Variants in PCYT1B observed in about 807,000 individuals in gnomAD.
PCYT1B encodes choline-phosphate cytidylyltransferase B.
Under a neutral mutation model 26.4 loss-of-function variants are expected in PCYT1B, and 10 were observed. The ratio of observed to expected loss-of-function variants is 0.38; its 90% confidence interval spans 0.23 to 0.64. The LOEUF is 0.64. Among genes scored for constraint, PCYT1B ranks in the 30% least tolerant of loss-of-function variants. PCYT1B has a pLI of 0.56. For missense variants in PCYT1B, 161 were observed against 292.7 expected, an observed-to-expected ratio of 0.55 and a Z score of 3.28; for synonymous variants, 131 against 108.4, an observed-to-expected ratio of 1.21 and a Z score of -1.29.
intron 7 of PCYT1B, among the ~76,000 whole-genome samples, chrX:24,568,585 C>T (rs146897232): frequency 9.0e-6 from 1 of 110,567 alleles, no homozygotes; most frequent in African/African-American, 3.3e-5. Context: ...AAGTATGAAC[C>T]AATGTAATCC....
intron 1 of PCYT1B, among the ~76,000 whole-genome samples, chrX:24,623,364 CATATATATAT>C (rs57642734): frequency 0.014 from 1,102 of 79,650 alleles, 33 homozygotes; most frequent in African/African-American, 0.049. Flanking sequence ...ATGAGATTTA[CATATATATAT>C]ATATATATAT....
At chrX:24,672,678 G>A, upstream of PCYT1B, 9 of 1,034,293 alleles carry the variant, frequency 8.7e-6, no homozygotes, top group Non-Finnish European at 1.2e-5. Context: ...TCTACCCTTT[G>A]GAGTTCTTTT....
chrX:24,580,344 G>T (rs1469514842), intron 5 of PCYT1B, among the ~76,000 whole-genome samples: 1 of 112,239 alleles, frequency 8.9e-6, no homozygotes, highest in Admixed American at 9.5e-5. Context: ...CTGAGTCAAT[G>T]AATTAGATCA....
At chrX:24,651,957 A>C (rs948009836), upstream of PCYT1B, among the ~76,000 whole-genome samples, 1 of 111,499 alleles carries the variant, frequency 9.0e-6, no homozygotes, top group African/African-American at 3.3e-5. Context: ...CAGTGAGAGG[A>C]AACAAAAAAG....
intron 3 of PCYT1B, among the ~76,000 whole-genome samples, chrX:24,605,414 C>G (rs748264064): frequency 9.9e-5 from 11 of 111,502 alleles, no homozygotes; most frequent in Non-Finnish European, 2.1e-4. Context: ...ACCTTTATAC[C>G]TAAAACATCC....
chrX:24,625,742 G>A (rs1221220220), intron 1 of PCYT1B, among the ~76,000 whole-genome samples: 1 of 98,062 alleles, frequency 1.0e-5, no homozygotes, highest in Non-Finnish European at 2.0e-5. Context: ...ATGCTATCTA[G>A]TATGATGTCA....
Position 24,590,184 on chromosome X carries a change from G to C in PCYT1B, c.335-10C>G. 1 of 1,204,276 alleles carries C rather than the reference G, an allele frequency of 8.3e-7. No homozygotes were observed. Among genetic ancestry groups the C allele is most frequent in the Non-Finnish European group, 1.1e-6 (1 of 890,809 alleles). ...AGATCATCACTGCAAACTAAAACAG[G>C]CAAATGCATTAAATGCCATTACTCG... On this transcript the variant is annotated splice_polypyrimidine_tract_variant and intron_variant, in intron 3 of 7. Coordinates refer to ENST00000379144, the MANE Select transcript of PCYT1B (RefSeq NM_004845.5).
chrX:24,605,679 CT>C (rs1490422218), intron 3 of PCYT1B, among the ~76,000 whole-genome samples: 3 of 111,873 alleles, frequency 2.7e-5, no homozygotes, highest in South Asian at 3.8e-4. Flanking sequence ...AATCCTAACA[CT>C]TTGGGAGGCT....
At chrX:24,611,697 C>T (rs1298341425) in intron 2 of PCYT1B, among the ~76,000 whole-genome samples, 2 of 111,124 alleles carry the variant, frequency 1.8e-5, no homozygotes, top group Non-Finnish European at 3.8e-5. Context: ...CTTGGCCAGG[C>T]GTGGTGGCTC....
At chrX:24,581,997 T>C (rs1423899145) in intron 5 of PCYT1B, among the ~76,000 whole-genome samples, 2 of 112,336 alleles carry the variant, frequency 1.8e-5, no homozygotes, top group African/African-American at 6.5e-5. Context: ...TATCACTTTC[T>C]AGGAGGGAAG....
At chrX:24,594,239 A>T (rs1881930319) in intron 3 of PCYT1B, among the ~76,000 whole-genome samples, 1 of 111,416 alleles carries the variant, frequency 9.0e-6, no homozygotes. Flanking sequence ...GTGGGGGGGA[A>T]GGTGGGCAGG....
At chrX:24,586,952 T>C (rs1174375439) in intron 5 of PCYT1B, among the ~76,000 whole-genome samples, 1 of 111,927 alleles carries the variant, frequency 8.9e-6, no homozygotes, top group South Asian at 3.8e-4. Context: ...GCCATTTAAG[T>C]AATGGGGTCC....
intron 1 of PCYT1B, among the ~76,000 whole-genome samples, chrX:24,622,050 C>T (rs1046247570): frequency 5.4e-5 from 6 of 112,029 alleles, no homozygotes; most frequent in African/African-American, 1.3e-4. Context: ...CCTAAATGTG[C>T]GAATGTGTTT....
chrX:24,603,345 T>C (rs1790849972), intron 3 of PCYT1B, among the ~76,000 whole-genome samples: 1 of 112,448 alleles, frequency 8.9e-6, no homozygotes, highest in Admixed American at 9.4e-5. Context: ...AAGCTAGTCA[T>C]CTTGCAATGC....
At chrX:24,666,692 A>T (rs1927135990) in intron 1 of PCYT1B, among the ~76,000 whole-genome samples, 1 of 110,265 alleles carries the variant, frequency 9.1e-6, no homozygotes. Context: ...AGAAAACTTT[A>T]AAATGTTCTA....
chrX:24,637,509 T>TATAAATAA (rs1555963553), intron 1 of PCYT1B, among the ~76,000 whole-genome samples: 1 of 64,093 alleles, frequency 1.6e-5, no homozygotes, highest in African/African-American at 9.9e-5. Context: ...TATATATATA[T>TATAAATAA]ATAAATTAGC....
chrX:24,586,640 G>T (rs1292761581), intron 5 of PCYT1B, among the ~76,000 whole-genome samples: 1 of 112,324 alleles, frequency 8.9e-6, no homozygotes, highest in Non-Finnish European at 1.9e-5. Flanking sequence ...AATGTATGTA[G>T]GAAGGTATGC....
At chrX:24,570,253 G>A (rs1923780350) in intron 7 of PCYT1B, among the ~76,000 whole-genome samples, 1 of 105,297 alleles carries the variant, frequency 9.5e-6, no homozygotes, top group Non-Finnish European at 1.9e-5. Flanking sequence ...GAATATATTT[G>A]TCACAAATTT....
chrX:24,617,085 C>T lies in PCYT1B; in HGVS notation c.217+1900G>A, dbSNP rs757365046. Among the ~76,000 whole-genome samples the T allele has an allele frequency of 3.2e-4, 36 of 111,898 alleles. No homozygotes were observed. The Admixed American group carries it at 3.4e-3, about 11-fold the overall frequency. On this transcript the variant is annotated intron_variant, in intron 2 of 7. Coordinates refer to ENST00000379144, the MANE Select transcript of PCYT1B (RefSeq NM_004845.5). ...GAATCAGAAACTCTAGGAGTGGAAC[C>T]CAGCCATCTGGGTTTTAAGAAGCCC... is the stretch of plus-strand genomic sequence containing the variant.
Sources: gnomAD v4.1 joint callset for allele counts (sites outside exome capture counted in the v4.1 genomes callset) on GRCh38, gnomAD v4.1.1 for gene constraint, MANE v1.5 for transcripts, NCBI Gene and HGNC (gene_info 2026-07-23, HGNC 2026-07-21) for gene names.